DGLUCY: variants seen among roughly 807,000 people sequenced by gnomAD.
DGLUCY encodes D-glutamate cyclase, mitochondrial.
In DGLUCY, 58 loss-of-function variants were observed where a neutral mutation model predicts 58.5. The ratio of observed to expected loss-of-function variants is 0.99; its 90% CI spans 0.80 to 1.23. DGLUCY has a LOEUF of 1.23. Among genes scored for constraint, DGLUCY ranks in the 50% most tolerant of loss-of-function variants. DGLUCY has a pLI of 0.00. For missense variants in DGLUCY, 779 were observed against 784.7 expected (o/e 0.99, Z 0.09); for synonymous variants, 325 against 314.1 (o/e 1.03, Z -0.37).
chr14:91,104,206 G>A (rs2044547321), upstream of DGLUCY, among the ~76,000 whole-genome samples: 1 of 151,354 alleles, frequency 6.6e-6, no homozygotes, highest in South Asian at 2.1e-4. Flanking sequence ...GGGACTACAG[G>A]CACCCGCCAC....
chr14:91,069,536 T>C (rs1299428702), intron 1 of DGLUCY, among the ~76,000 whole-genome samples: 1 of 152,194 alleles, frequency 6.6e-6, no homozygotes, highest in Non-Finnish European at 1.5e-5. Flanking sequence ...CACCTCAGCC[T>C]CCCAAAGTGC....
chr14:91,072,474 A>G (rs2043938423), intron 1 of DGLUCY, among the ~76,000 whole-genome samples: 1 of 152,150 alleles, frequency 6.6e-6, no homozygotes, highest in South Asian at 2.1e-4. Flanking sequence ...GAAGTTCAGC[A>G]ATTATTTCTA....
At position 91,174,780 on chromosome 14, in the gene DGLUCY, G is replaced by A. The variant is rs563239404; in HGVS notation, c.608-1154G>A. On this transcript the variant is annotated intron_variant, in intron 6 of 13. Transcript: ENST00000256324. ...TTCTGGAGGCCCAGACTTGCAACTGGTGTCTGTAGGGGGGTGGCCTTGGGG... is the reference window on the plus strand; with the variant it reads ...TTCTGGAGGCCCAGACTTGCAACTGATGTCTGTAGGGGGGTGGCCTTGGGG... Among the ~76,000 whole-genome samples the A allele has an allele frequency of 3.2e-4, 49 of 152,336 alleles. 1 individual carries two copies. The South Asian group carries it at 0.01, about 32-fold the overall frequency.
At position 91,060,375 on chromosome 14, in the gene DGLUCY, G is replaced by A. The variant is rs367668503; in HGVS notation, c.-411G>A. On this transcript the variant is annotated 5_prime_UTR_variant, in exon 1 of 5. Coordinates refer to the DGLUCY transcript ENST00000521334. ...TGACAGTGAGGAGCTGCTCTCCTCC[G>A]TCGCCGCCGTCCGCGCTGGTCCCCG... is the stretch of plus-strand genomic sequence containing the variant. The A allele has an allele frequency of 6.6e-6, 10 of 1,505,334 alleles. No individual in the cohort carries two copies. The African/African-American group carries it at 1.4e-4, about 21-fold the overall frequency. The allele number at this position is 1,505,334 out of a possible 1,614,324, so 93.2% of individuals were successfully genotyped here.
At chr14:91,126,032 G>A (rs1211698146) in intron 1 of DGLUCY, among the ~76,000 whole-genome samples, 1 of 152,194 alleles carries the variant, frequency 6.6e-6, no homozygotes, top group Non-Finnish European at 1.5e-5. Flanking sequence ...TAAGGAGGAT[G>A]GGCTATTTTG....
At chr14:91,126,163 G>A (rs1472850017) in intron 1 of DGLUCY, among the ~76,000 whole-genome samples, 1 of 152,134 alleles carries the variant, frequency 6.6e-6, no homozygotes, top group Non-Finnish European at 1.5e-5. Context: ...AACTTACTTG[G>A]TGGCTAAAAG....
chr14:91,146,604 GAC>G (rs2047028670), intron 1 of DGLUCY, among the ~76,000 whole-genome samples: 1 of 152,132 alleles, frequency 6.6e-6, no homozygotes, highest in African/African-American at 2.4e-5. Flanking sequence ...AGACGAGTGG[GAC>G]ATTTTTGAAG....
At chr14:91,135,921 A>G (rs2046304821) in intron 1 of DGLUCY, among the ~76,000 whole-genome samples, 1 of 140,500 alleles carries the variant, frequency 7.1e-6, no homozygotes, top group Non-Finnish European at 1.5e-5. Context: ...GCTAGGATAC[A>G]TTAGCTTTTT....
At chr14:91,143,933 C>T (rs2140268731) in intron 1 of DGLUCY, among the ~76,000 whole-genome samples, 1 of 152,260 alleles carries the variant, frequency 6.6e-6, no homozygotes, top group East Asian at 1.9e-4. Context: ...AATTATTAAA[C>T]CTAAAGGCCT....
chr14:91,148,352 G>C (rs1267501925), intron 1 of DGLUCY, among the ~76,000 whole-genome samples: 1 of 151,320 alleles, frequency 6.6e-6, no homozygotes, highest in South Asian at 2.1e-4. Context: ...CCACAGGTGT[G>C]TACCACCATG....
intron 1 of DGLUCY, among the ~76,000 whole-genome samples, chr14:91,093,846 A>T (rs2044350964): frequency 6.6e-6 from 1 of 152,000 alleles, no homozygotes; most frequent in Admixed American, 6.6e-5. Flanking sequence ...AAGTGAGAGA[A>T]GCCAGTCACA....
chr14:91,093,807 C>A (rs1295107692), intron 1 of DGLUCY, among the ~76,000 whole-genome samples: 1 of 151,488 alleles, frequency 6.6e-6, no homozygotes, highest in African/African-American at 2.4e-5. Context: ...AACAAACAAA[C>A]AAACAAACAA....
At chr14:91,208,087 A>T (rs796361170) in intron 12 of DGLUCY, among the ~76,000 whole-genome samples, 4 of 152,326 alleles carry the variant, frequency 2.6e-5, no homozygotes, top group African/African-American at 9.6e-5. Flanking sequence ...TAAAGTATTG[A>T]GAGGTAGCAA....
intron 1 of DGLUCY, among the ~76,000 whole-genome samples, chr14:91,075,479 G>A (rs1038279361): frequency 1.3e-5 from 2 of 152,130 alleles, no homozygotes; most frequent in Non-Finnish European, 2.9e-5. Flanking sequence ...GCCCTTGTTT[G>A]TCCTTTGTTG....
rs534978140 is a variant in DGLUCY at position 91,210,489 on chromosome 14, C to G, written c.1565-4916C>G. On this transcript the variant is annotated intron_variant, in intron 12 of 13. Coordinates refer to ENST00000256324, the MANE Select transcript of DGLUCY (RefSeq NM_001102368.3). ...GGAGGCTGCAGTCTGCTGGGTTGTA[C>G]CACTGCACTCCAGCCTTGGCAACAG... Among the ~76,000 whole-genome samples, 16 of 152,208 alleles carry G rather than the reference C, an allele frequency of 1.1e-4. No homozygotes were observed. In the South Asian group the frequency reaches 3.3e-3, roughly 32 times the overall value.
intron 3 of DGLUCY, among the ~76,000 whole-genome samples, chr14:91,163,257 C>T (rs1043507503): frequency 7.3e-5 from 11 of 150,610 alleles, no homozygotes; most frequent in Non-Finnish European, 1.6e-4. Context: ...GAGACTCCGT[C>T]TCAAAAAAAA....
intron 9 of DGLUCY, among the ~76,000 whole-genome samples, chr14:91,190,387 G>T (rs573616114): frequency 6.6e-6 from 1 of 152,280 alleles, no homozygotes; most frequent in East Asian, 1.9e-4. Flanking sequence ...GAAACAACTT[G>T]TAAGATGAAT....
At chr14:91,095,939 G>A (rs1366620504) in intron 1 of DGLUCY, among the ~76,000 whole-genome samples, 1 of 152,180 alleles carries the variant, frequency 6.6e-6, no homozygotes, top group Non-Finnish European at 1.5e-5. Context: ...AAGTCTTGCT[G>A]ACCTGAGCCA....
rs115215633 is a variant in DGLUCY, at chr14:91,172,520, A to C, written c.457-769A>C. Among the ~76,000 whole-genome samples the C allele has an allele frequency of 4.8e-3, 734 of 152,330 alleles. 7 individuals carry two copies. Among genetic ancestry groups the C allele is most frequent in the African/African-American group, 0.017 (692 of 41,566 alleles). On this transcript the variant is annotated intron_variant, in intron 5 of 13. Coordinates refer to ENST00000256324, the MANE Select transcript of DGLUCY (RefSeq NM_001102368.3). ...CACAGATATCTTCATATCACGTTAG[A>C]GTTCTTCCTGATGTCTCAAAAATAT...
Sources: gnomAD v4.1 joint callset for allele counts (sites outside exome capture counted in the v4.1 genomes callset) on GRCh38, gnomAD v4.1.1 for gene constraint, MANE v1.5 for transcripts, NCBI Gene and HGNC (gene_info 2026-07-23, HGNC 2026-07-21) for gene names.